INSL6: variants seen among roughly 807,000 people sequenced by gnomAD.
The protein encoded by INSL6 is insulin-like peptide INSL6.
Under a neutral mutation model 9.4 loss-of-function variants are expected in INSL6, and 16 were observed. The ratio of observed to expected loss-of-function variants is 1.70; its 90% CI spans 1.15 to 2.59. INSL6 has a LOEUF of 2.59. INSL6 is among the 30% of genes most tolerant of loss of function. INSL6 has a pLI of 0.00. For synonymous variants in INSL6, 154 were observed against 96.9 expected, an observed-to-expected ratio of 1.59 and a Z score of -3.46; for missense variants, 391 against 257.3, an observed-to-expected ratio of 1.52 and a Z score of -3.56.
chr9:5,162,470 G>C (rs1214652132), downstream of INSL6, among the ~76,000 whole-genome samples: 1 of 152,154 alleles, frequency 6.6e-6, no homozygotes, highest in Non-Finnish European at 1.5e-5. Flanking sequence ...ATATAAGTAA[G>C]CTAACAAGCT....
At chr9:5,137,606 T>C (rs1184176454) in intron 2 of INSL6, among the ~76,000 whole-genome samples, 3 of 152,162 alleles carry the variant, frequency 2.0e-5, no homozygotes, top group African/African-American at 2.4e-5. Flanking sequence ...GATTAAAGAC[T>C]TAAATATAAG....
chr9:5,009,083 C>T, the INSL6 span, among the ~76,000 whole-genome samples: 8 of 152,238 alleles, frequency 5.3e-5, no homozygotes, highest in East Asian at 1.5e-3. Flanking sequence ...CACTTGCAAA[C>T]TTTAACAAGT....
At chr9:5,065,275 T>C in the INSL6 span, among the ~76,000 whole-genome samples, 1 of 152,226 alleles carries the variant, frequency 6.6e-6, no homozygotes, top group African/African-American at 2.4e-5. Context: ...CATTTGTTAA[T>C]CATGCCTATG....
the INSL6 span, among the ~76,000 whole-genome samples, chr9:5,035,944 C>G: frequency 6.6e-6 from 1 of 152,124 alleles, no homozygotes; most frequent in Non-Finnish European, 1.5e-5. Flanking sequence ...TCAAATTGTC[C>G]CTGTTTGCAG....
chr9:5,145,238 A>G (rs1375300736), intron 2 of INSL6, among the ~76,000 whole-genome samples: 2 of 151,224 alleles, frequency 1.3e-5, no homozygotes, highest in Non-Finnish European at 3.0e-5. Flanking sequence ...GCTTGGCCAG[A>G]TATGAAATTC....
intron 1 of INSL6, among the ~76,000 whole-genome samples, chr9:5,165,574 G>A (rs982391896): frequency 1.3e-5 from 2 of 152,214 alleles, no homozygotes; most frequent in Admixed American, 6.5e-5. Flanking sequence ...TTGAAGAAAT[G>A]TCTCTTCAAA....
the INSL6 span, among the ~76,000 whole-genome samples, chr9:5,056,347 C>T: frequency 6.6e-6 from 1 of 151,960 alleles, no homozygotes; most frequent in Non-Finnish European, 1.5e-5. Context: ...TTATACTTTG[C>T]TCTTAAGTTT....
At chr9:5,159,411 G>T (rs1174513940), downstream of INSL6, among the ~76,000 whole-genome samples, 1 of 151,082 alleles carries the variant, frequency 6.6e-6, no homozygotes, top group Non-Finnish European at 1.5e-5. Context: ...CAAGAAACAC[G>T]CTTCATGTAT....
the INSL6 span, among the ~76,000 whole-genome samples, chr9:5,073,510 C>T: frequency 6.6e-6 from 1 of 152,126 alleles, no homozygotes; most frequent in Non-Finnish European, 1.5e-5. Context: ...CAGGCTTACA[C>T]AGGGGTTTCC....
the INSL6 span, among the ~76,000 whole-genome samples, chr9:5,016,937 T>C: frequency 6.6e-6 from 1 of 152,158 alleles, no homozygotes; most frequent in Admixed American, 6.5e-5. Flanking sequence ...TTTCCTAGAA[T>C]AGAAAAAAGA....
At chr9:5,069,819 A>G in the INSL6 span, 11 of 555,668 alleles carry the variant, frequency 2.0e-5, no homozygotes, top group Non-Finnish European at 2.9e-5. Context: ...ATTAGGAGTT[A>G]TTAAGCATTT....
chr9:5,157,141 T>C (rs1824831462), intron 2 of INSL6, among the ~76,000 whole-genome samples: 2 of 152,196 alleles, frequency 1.3e-5, no homozygotes. Context: ...AAATATATAA[T>C]ACCATGTTCA....
intron 2 of INSL6, among the ~76,000 whole-genome samples, chr9:5,147,072 T>G (rs879537965): frequency 2.6e-5 from 4 of 152,142 alleles, no homozygotes; most frequent in Non-Finnish European, 5.9e-5. Flanking sequence ...AAGCCAAGCC[T>G]AGAGGGGTGG....
At chr9:5,086,087 C>T in the INSL6 span, 5 of 636,406 alleles carry the variant, frequency 7.9e-6, no homozygotes, top group Admixed American at 1.9e-5. Context: ...AGTCAAGTCC[C>T]TTCTGCCTAT....
At chr9:5,088,489 T>C in the INSL6 span, among the ~76,000 whole-genome samples, 1 of 152,192 alleles carries the variant, frequency 6.6e-6, no homozygotes, top group African/African-American at 2.4e-5. Context: ...TTACCAATTC[T>C]ATGTACTTAA....
chr9:5,061,453 G>T, the INSL6 span, among the ~76,000 whole-genome samples: 2 of 152,192 alleles, frequency 1.3e-5, no homozygotes, highest in African/African-American at 4.8e-5. Flanking sequence ...AGCATTTGCT[G>T]CTTCACCTTG....
At chr9:5,111,482 G>T in the INSL6 span, 1 of 376,788 alleles carries the variant, frequency 2.7e-6, no homozygotes, top group South Asian at 2.0e-5. Flanking sequence ...CTCAGGTGAG[G>T]AGTACGGTAG....
rs753292131 is a variant in INSL6 at position 5,178,494 on chromosome 9, CCAGCCAGAGTTATA to C, written c.289+6806_289+6819del. Among the ~76,000 whole-genome samples, 144 of 152,320 alleles carry C rather than the reference CCAGCCAGAGTTATA, an allele frequency of 9.5e-4. 1 individual carries two copies. The highest frequency in any genetic ancestry group is 1.7e-3 in the Non-Finnish European group (119 of 68,016). On this transcript the variant is annotated intron_variant, in intron 1 of 1. Coordinates refer to ENST00000381641, the MANE Select transcript of INSL6 (RefSeq NM_007179.3). ...CCTCCATGTGGAGGCTTCAGCCACTCCAGCCAGAGTTATACAGACAGAGCTCTGATCTCACTCTG... is the reference window on the plus strand; with the variant it reads ...CCTCCATGTGGAGGCTTCAGCCACTCCAGACAGAGCTCTGATCTCACTCTG...
At chr9:5,057,726 T>C in the INSL6 span, among the ~76,000 whole-genome samples, 4 of 151,618 alleles carry the variant, frequency 2.6e-5, no homozygotes, top group Non-Finnish European at 5.9e-5. Context: ...GGATTACAGG[T>C]GCACGCCACC....
Sources: allele counts gnomAD v4.1 joint callset (sites outside exome capture counted in the v4.1 genomes callset), GRCh38; gene constraint gnomAD v4.1.1; transcripts MANE v1.5; gene names NCBI Gene and HGNC (gene_info 2026-07-23, HGNC 2026-07-21).